GCSAML: variants seen among roughly 807,000 people sequenced by gnomAD.
GCSAML encodes the protein germinal center associated signaling and motility like.
A neutral mutation model predicts 13.0 loss-of-function variants in GCSAML; 9 were observed. The observed-to-expected ratio is 0.69, with a 90% CI of 0.42 to 1.21. The LOEUF is 1.21. Among genes scored for constraint, GCSAML ranks in the 50% most tolerant of loss-of-function variants. GCSAML has a pLI of 0.00. For synonymous variants in GCSAML, 37 were observed against 52.9 expected, an observed-to-expected ratio of 0.70 and a Z score of 1.31; for missense variants, 143 against 153.4, an observed-to-expected ratio of 0.93 and a Z score of 0.36.
chr1:247,574,493 GT>G lies in GCSAML; in HGVS notation c.*114del. The G allele has an allele frequency of 8.2e-7, 1 of 1,213,840 alleles. No individual in the cohort carries two copies. 75.2% of individuals were successfully genotyped at this position (1,213,840 alleles called of 1,614,324 possible). ...CATGAAACATTCCTTTCTGGCTAAA[GT>G]TTAGAAATATTATCTTATTATATAT... On this transcript the variant is annotated 3_prime_UTR_variant, in exon 5 of 5. Coordinates refer to ENST00000366488, the MANE Select transcript of GCSAML (RefSeq NM_145278.5).
At chr1:247,522,324 CCGTCTGGGAGGTGGGGGACGCCTCT>C (rs1229591217) in intron 1 of GCSAML, among the ~76,000 whole-genome samples, 1 of 144,808 alleles carries the variant, frequency 6.9e-6, no homozygotes, top group African/African-American at 2.5e-5. Context: ...GGCCGCCGCC[CCGTCTGGGAGGTGGGGGACGCCTCT>C]GCCCGGCCGC....
At chr1:247,514,958 C>T (rs1852908) in intron 1 of GCSAML, among the ~76,000 whole-genome samples, 12,445 of 151,950 alleles carry the variant, frequency 0.082, 618 homozygotes, top group Non-Finnish European at 0.11. Flanking sequence ...TTTTTGCTTC[C>T]ATGTAAATTT....
chr1:247,565,874 G>A (rs1472124352), intron 3 of GCSAML, 57 bp from the exon 4 acceptor site: 4 of 1,384,360 alleles, frequency 2.9e-6, no homozygotes, highest in African/African-American at 1.5e-5. Context: ...CTGTGATGGG[G>A]CAAAAGTCTC....
intron 1 of GCSAML, among the ~76,000 whole-genome samples, chr1:247,553,023 G>T (rs977978398): frequency 8.5e-5 from 13 of 152,074 alleles, no homozygotes; most frequent in African/African-American, 3.1e-4. Context: ...TAAAGTGCTG[G>T]GATTACAGGC....
intron 1 of GCSAML, among the ~76,000 whole-genome samples, chr1:247,509,886 C>T (rs921234492): frequency 3.9e-5 from 6 of 152,102 alleles, no homozygotes; most frequent in African/African-American, 1.2e-4. Flanking sequence ...TTTTGATGTG[C>T]TGCTGGATTT....
At chr1:247,545,930 C>T (rs953133190), upstream of GCSAML, among the ~76,000 whole-genome samples, 9 of 138,564 alleles carry the variant, frequency 6.5e-5, no homozygotes, top group Admixed American at 6.7e-4. Context: ...GTGTAGATCT[C>T]ATGTTAATTG....
At chr1:247,564,491 G>A (rs939427313) in intron 3 of GCSAML, among the ~76,000 whole-genome samples, 1 of 151,946 alleles carries the variant, frequency 6.6e-6, no homozygotes, top group Non-Finnish European at 1.5e-5. Flanking sequence ...CAGCCCCTGT[G>A]GACAAGTATA....
At chr1:247,569,047 A>G (rs1419187507) in intron 4 of GCSAML, among the ~76,000 whole-genome samples, 1 of 152,168 alleles carries the variant, frequency 6.6e-6, no homozygotes, top group African/African-American at 2.4e-5. Flanking sequence ...AATTTTGCAC[A>G]TTGATTTTGT....
chr1:247,565,904 C>CTTTTTTTTTTTTTT, intron 3 of GCSAML, 27 bp from the exon 4 acceptor site: 1 of 1,368,546 alleles, frequency 7.3e-7, no homozygotes, highest in Non-Finnish European at 9.8e-7. Context: ...TCCTTTCTTT[C>CTTTTTTTTTTTTTT]TTTTTTTTTT....
chr1:247,530,309 G>T (rs1289355103), intron 2 of GCSAML: 1 of 152,178 alleles, frequency 6.6e-6, no homozygotes, highest in Non-Finnish European at 1.5e-5. Flanking sequence ...TCTATTGATA[G>T]AAGTTCTTTA....
At chr1:247,572,656 G>A (rs1048756379) in intron 4 of GCSAML, among the ~76,000 whole-genome samples, 3 of 152,328 alleles carry the variant, frequency 2.0e-5, no homozygotes, top group African/African-American at 7.2e-5. Context: ...GTTGGGAGGT[G>A]TTTCCTTGTC....
intron 2 of GCSAML, among the ~76,000 whole-genome samples, chr1:247,563,005 C>CT (rs1668192921): frequency 1.1e-5 from 1 of 93,692 alleles, no homozygotes; most frequent in Admixed American, 1.4e-4. Context: ...GTACCCAGCT[C>CT]ATTTTTTTTT....
intron 2 of GCSAML, chr1:247,531,955 A>G (rs771191319): frequency 6.2e-7 from 1 of 1,614,206 alleles, no homozygotes; most frequent in Non-Finnish European, 8.5e-7. Context: ...AGCCAGTTGC[A>G]TAATGAGGGG....
chr1:247,521,337 C>T (rs529760817), intron 1 of GCSAML, among the ~76,000 whole-genome samples: 4,366 of 128,802 alleles, frequency 0.034, 169 homozygotes, highest in East Asian at 0.11. Flanking sequence ...CTCCCTCTCC[C>T]TCTCCACGGT....
At chr1:247,546,277 A>G (rs749440539), upstream of GCSAML, among the ~76,000 whole-genome samples, 1 of 152,162 alleles carries the variant, frequency 6.6e-6, no homozygotes, top group African/African-American at 2.4e-5. Context: ...GGCTCAAGCA[A>G]TCCTCCTGCT....
intron 1 of GCSAML, among the ~76,000 whole-genome samples, chr1:247,521,178 A>G (rs1666403761): frequency 6.6e-6 from 1 of 151,268 alleles, no homozygotes; most frequent in Non-Finnish European, 1.5e-5. Context: ...CCACCCAACT[A>G]GGAATTGGGA....
chr1:247,573,431 G>A (rs879800735), intron 4 of GCSAML, among the ~76,000 whole-genome samples: 8 of 152,096 alleles, frequency 5.3e-5, no homozygotes, highest in Non-Finnish European at 1.2e-4. Context: ...GGCTTCCCTT[G>A]GCTAAGGGAG....
chr1:247,572,892 C>G (rs1254311869), intron 4 of GCSAML, among the ~76,000 whole-genome samples: 2 of 152,210 alleles, frequency 1.3e-5, no homozygotes, highest in South Asian at 4.1e-4. Context: ...TATAGAGAGG[C>G]AGTCTGGCCA....
chr1:247,541,232 G>A (rs368721057), intron 2 of GCSAML, among the ~76,000 whole-genome samples: 1 of 151,896 alleles, frequency 6.6e-6, no homozygotes, highest in South Asian at 2.1e-4. Flanking sequence ...AATGCCTCTT[G>A]CTAGTTAGAG....
Sources: allele counts gnomAD v4.1 joint callset (sites outside exome capture counted in the v4.1 genomes callset), GRCh38; gene constraint gnomAD v4.1.1; transcripts MANE v1.5; gene names NCBI Gene and HGNC (gene_info 2026-07-23, HGNC 2026-07-21).